DIAPH2: variants seen among roughly 807,000 people sequenced by gnomAD.
DIAPH2 encodes protein diaphanous homolog 2.
DIAPH2 carries 35 observed loss-of-function variants against 92.7 expected under a neutral mutation model. The observed-to-expected ratio is 0.38, with a 90% CI of 0.29 to 0.50. The LOEUF (loss-of-function observed/expected upper bound fraction) is 0.50. Among genes scored for constraint, DIAPH2 ranks in the 20% least tolerant of loss-of-function variants. The pLI is 0.94. For synonymous variants in DIAPH2, 301 were observed against 280.4 expected (o/e 1.07, Z -0.73); for missense variants, 701 against 819.5 (o/e 0.86, Z 1.77).
At chrX:96,959,795 A>C (rs1172345732) in intron 16 of DIAPH2, among the ~76,000 whole-genome samples, 1 of 111,226 alleles carries the variant, frequency 9.0e-6, no homozygotes, top group Non-Finnish European at 1.9e-5. Context: ...ATTTTTATAT[A>C]TTGTGGGAGA....
intron 26 of DIAPH2, among the ~76,000 whole-genome samples, chrX:97,582,613 T>C (rs1329781107): frequency 1.8e-5 from 2 of 108,308 alleles, no homozygotes; most frequent in Admixed American, 2.0e-4. Context: ...TAACATTTTT[T>C]CCTTCATTTC....
At chrX:97,407,515 A>T (rs1273271510) in intron 25 of DIAPH2, among the ~76,000 whole-genome samples, 1 of 112,347 alleles carries the variant, frequency 8.9e-6, no homozygotes, top group African/African-American at 3.2e-5. Context: ...TGAAAGAGTT[A>T]ATTGGAAACT....
chrX:97,263,138 TTTG>T (rs1287592235), intron 23 of DIAPH2, among the ~76,000 whole-genome samples: 1 of 112,392 alleles, frequency 8.9e-6, no homozygotes, highest in Non-Finnish European at 1.9e-5. Context: ...ATTCTTTTAC[TTTG>T]TTATTTGTTA....
intron 17 of DIAPH2, among the ~76,000 whole-genome samples, chrX:97,032,287 C>A (rs1233153024): frequency 9.0e-6 from 1 of 110,910 alleles, no homozygotes; most frequent in East Asian, 2.8e-4. Context: ...TAAATTGAGG[C>A]AAGACATTGC....
chrX:97,332,159 A>T (rs910233384), intron 23 of DIAPH2, among the ~76,000 whole-genome samples: 1 of 111,835 alleles, frequency 8.9e-6, no homozygotes, highest in African/African-American at 3.2e-5. Context: ...GAAAAAAATC[A>T]AAATACTTTT....
chrX:96,864,951 A>AT lies in DIAPH2; in HGVS notation c.448-16621dup, dbSNP rs780170729. Among the ~76,000 whole-genome samples the AT allele has an allele frequency of 5.4e-5, 6 of 112,097 alleles. No individual in the cohort carries two copies. In the Admixed American group the frequency reaches 5.7e-4, roughly 11 times the overall value. Reference sequence around the variant, plus strand: ...GGGATGGTAAAGGGATTACTGAAATATTTTTTTCTAATTCATTTTGTGTTC... The same window carrying AT: ...GGGATGGTAAAGGGATTACTGAAATATTTTTTTTCTAATTCATTTTGTGTTC... On this transcript the variant is annotated intron_variant, in intron 4 of 26. Transcript: ENST00000324765.
intron 22 of DIAPH2, among the ~76,000 whole-genome samples, chrX:97,202,441 A>G (rs1481520714): frequency 8.9e-6 from 1 of 112,056 alleles, no homozygotes; most frequent in Admixed American, 9.5e-5. Flanking sequence ...AGACACACAT[A>G]GGCTCAAAAT....
chrX:97,122,675 C>A (rs756906018), intron 21 of DIAPH2, among the ~76,000 whole-genome samples: 12 of 111,514 alleles, frequency 1.1e-4, no homozygotes, highest in Non-Finnish European at 2.1e-4. Flanking sequence ...AAGAAAATGA[C>A]TTTGTGGGTT....
chrX:96,998,811 TG>T (rs2066122539), intron 17 of DIAPH2, among the ~76,000 whole-genome samples: 1 of 111,828 alleles, frequency 8.9e-6, no homozygotes, highest in Admixed American at 9.5e-5. Context: ...GGTCTGATCT[TG>T]GGTATGATGT....
intron 26 of DIAPH2, among the ~76,000 whole-genome samples, chrX:97,559,046 G>GT (rs1315157590): frequency 1.8e-5 from 2 of 112,009 alleles, no homozygotes; most frequent in African/African-American, 6.5e-5. Flanking sequence ...TTATCAGGGC[G>GT]TAACCCCATT....
rs1265290315 is a variant in DIAPH2 at position 96,845,301 on chromosome X, T to TATATATATAACTCAA, written c.448-36278_448-36277insATATATATAACTCAA. On this transcript the variant is annotated intron_variant, in intron 4 of 26. Coordinates refer to ENST00000324765, the MANE Select transcript of DIAPH2 (RefSeq NM_006729.5). ...AGAGATACTTAGGTACTCAACTCTA[T>TATATATATAACTCAA]GCAAATATACACTGATTACCTTTGC... 9.8e-5 allele frequency among the ~76,000 whole-genome samples: 11 copies of TATATATATAACTCAA among 112,271 alleles called. No individual in the cohort carries two copies. The East Asian group carries it at 3.1e-3, about 31-fold the overall frequency.
chrX:97,256,906 G>A (rs915632580), intron 23 of DIAPH2, among the ~76,000 whole-genome samples: 2 of 109,394 alleles, frequency 1.8e-5, no homozygotes, highest in Non-Finnish European at 3.8e-5. Context: ...CTTTTGATCC[G>A]CCTGCCTCAG....
chrX:96,752,753 T>C (rs5949994), intron 3 of DIAPH2, among the ~76,000 whole-genome samples: 6,616 of 111,828 alleles, frequency 0.059, 209 homozygotes, highest in Middle Eastern at 0.16. Flanking sequence ...ACACAGTTTA[T>C]GTAGCAAAAC....
At chrX:97,084,764 A>C (rs1045097327) in intron 19 of DIAPH2, among the ~76,000 whole-genome samples, 1 of 111,620 alleles carries the variant, frequency 9.0e-6, no homozygotes, top group Non-Finnish European at 1.9e-5. Context: ...AAAGAAATCA[A>C]AGGAATGTGA....
intron 16 of DIAPH2, among the ~76,000 whole-genome samples, chrX:96,964,191 T>C (rs1283452007): frequency 9.0e-6 from 1 of 111,555 alleles, no homozygotes; most frequent in Non-Finnish European, 1.9e-5. Context: ...AGTAAGTTGG[T>C]TTAAACAGAA....
At chrX:96,754,834 G>A (rs1245687461) in intron 3 of DIAPH2, among the ~76,000 whole-genome samples, 1 of 97,375 alleles carries the variant, frequency 1.0e-5, no homozygotes, top group Non-Finnish European at 2.0e-5. Context: ...TGAGGCAGGA[G>A]AATCGCTTGA....
intron 21 of DIAPH2, among the ~76,000 whole-genome samples, chrX:97,128,292 C>T (rs1010495014): frequency 5.4e-5 from 6 of 110,578 alleles, no homozygotes; most frequent in East Asian, 5.7e-4. Flanking sequence ...ATTGTCATGG[C>T]GCTGGTGGGA....
chrX:96,779,485 TAC>T (rs1407934641), intron 4 of DIAPH2, among the ~76,000 whole-genome samples: 5 of 112,320 alleles, frequency 4.5e-5, no homozygotes, highest in African/African-American at 1.6e-4. Flanking sequence ...TCTGATGTGA[TAC>T]ATTTATTCAC....
chrX:97,501,775 G>GA (rs2070799823), intron 26 of DIAPH2, among the ~76,000 whole-genome samples: 1 of 111,089 alleles, frequency 9.0e-6, no homozygotes, highest in African/African-American at 3.3e-5. Flanking sequence ...TGAAATTTTT[G>GA]AAAAGATATT....
Sources: allele counts gnomAD v4.1 joint callset (sites outside exome capture counted in the v4.1 genomes callset), GRCh38; gene constraint gnomAD v4.1.1; transcripts MANE v1.5; gene names NCBI Gene and HGNC (gene_info 2026-07-23, HGNC 2026-07-21).